ERBIN: variants seen among roughly 807,000 people sequenced by gnomAD.
ERBIN encodes the protein erbb2 interacting protein, also known as densin-180-like protein.
In ERBIN, 60 loss-of-function variants were observed where a neutral mutation model predicts 158.4. That is an observed-to-expected ratio of 0.38 (90% CI 0.31 to 0.47). The LOEUF (loss-of-function observed/expected upper bound fraction) is 0.47, where lower values mean the gene tolerates loss of function less well. Among genes scored for constraint, ERBIN ranks in the 20% least tolerant of loss-of-function variants. ERBIN has a pLI of 0.99. For missense variants in ERBIN, 1,610 were observed against 1,648.0 expected (o/e 0.98, Z 0.40); for synonymous variants, 594 against 557.2 (o/e 1.07, Z -0.93).
intron 1 of ERBIN, among the ~76,000 whole-genome samples, chr5:65,961,810 C>CT (rs200202510): frequency 0.011 from 1,684 of 152,060 alleles, 35 homozygotes; most frequent in African/African-American, 0.037. Context: ...GGGGAGGGTG[C>CT]TTTTTGGTTT....
intron 21 of ERBIN, among the ~76,000 whole-genome samples, chr5:66,071,521 A>C (rs955854382): frequency 2.0e-5 from 3 of 152,204 alleles, no homozygotes; most frequent in African/African-American, 7.2e-5. Context: ...GCATTTCTCC[A>C]TATCAGTACT....
intron 1 of ERBIN, among the ~76,000 whole-genome samples, chr5:65,966,149 T>C (rs931053059): frequency 2.6e-5 from 4 of 152,312 alleles, no homozygotes; most frequent in African/African-American, 9.6e-5. Context: ...AACATTATAA[T>C]GAAGCTGAAA....
intron 1 of ERBIN, among the ~76,000 whole-genome samples, chr5:65,951,200 C>T (rs1216704390): frequency 1.3e-5 from 2 of 152,058 alleles, no homozygotes; most frequent in Non-Finnish European, 2.9e-5. Flanking sequence ...AGACTGCTGG[C>T]CTCTTAAGTA....
intron 1 of ERBIN, among the ~76,000 whole-genome samples, chr5:65,959,022 T>G (rs1747620160): frequency 6.6e-6 from 1 of 152,216 alleles, no homozygotes; most frequent in South Asian, 2.1e-4. Flanking sequence ...GCATCTGTAC[T>G]TTTTCTAAGG....
intron 1 of ERBIN, among the ~76,000 whole-genome samples, chr5:65,977,439 A>C (rs184976680): frequency 6.8e-6 from 1 of 147,496 alleles, no homozygotes; most frequent in African/African-American, 2.5e-5. Context: ...CACTTCTCGG[A>C]CGGGGTGGTT....
intron 7 of ERBIN, among the ~76,000 whole-genome samples, chr5:66,016,552 T>G (rs1754745090): frequency 6.6e-6 from 1 of 152,072 alleles, no homozygotes; most frequent in South Asian, 2.1e-4. Context: ...CCCTTCATTC[T>G]TTCCTCCCCA....
At chr5:65,946,331 TC>T (rs2150905057) in intron 1 of ERBIN, among the ~76,000 whole-genome samples, 1 of 152,204 alleles carries the variant, frequency 6.6e-6, no homozygotes, top group Admixed American at 6.5e-5. Flanking sequence ...ACCACTGCAC[TC>T]CAGCCTGGGT....
chr5:65,966,620 C>T (rs574505767), intron 1 of ERBIN, among the ~76,000 whole-genome samples: 9 of 133,976 alleles, frequency 6.7e-5, no homozygotes, highest in Non-Finnish European at 1.2e-4. Context: ...GCAGAGGCTG[C>T]GGTGAGCCAA....
At chr5:66,029,828 A>G (rs141297840) in intron 14 of ERBIN, among the ~76,000 whole-genome samples, 11 of 152,022 alleles carry the variant, frequency 7.2e-5, no homozygotes, top group Admixed American at 2.0e-4. Flanking sequence ...TGACCTCATG[A>G]TCCGCTTGTG....
At chr5:65,947,378 T>TGC (rs1745902420) in intron 1 of ERBIN, among the ~76,000 whole-genome samples, 1 of 152,116 alleles carries the variant, frequency 6.6e-6, no homozygotes, top group Non-Finnish European at 1.5e-5. Context: ...TACAGGCACA[T>TGC]GCCACCACGC....
chr5:65,943,569 G>T (rs1745337923), intron 1 of ERBIN, among the ~76,000 whole-genome samples: 1 of 151,930 alleles, frequency 6.6e-6, no homozygotes. Flanking sequence ...GCTCTTAGTT[G>T]GCCTCTTTGT....
At chr5:65,951,278 G>A (rs1039390900) in intron 1 of ERBIN, among the ~76,000 whole-genome samples, 2 of 152,082 alleles carry the variant, frequency 1.3e-5, no homozygotes, top group African/African-American at 4.8e-5. Context: ...AGACTATTGT[G>A]TTTCTCTCTC....
intron 1 of ERBIN, among the ~76,000 whole-genome samples, chr5:65,974,833 C>T (rs897997769): frequency 6.6e-6 from 1 of 152,070 alleles, no homozygotes; most frequent in Non-Finnish European, 1.5e-5. Flanking sequence ...AAGAGGTTGG[C>T]ATAAAGAGGA....
At chr5:65,961,786 T>C (rs1261375857) in intron 1 of ERBIN, among the ~76,000 whole-genome samples, 1 of 152,158 alleles carries the variant, frequency 6.6e-6, no homozygotes, top group Non-Finnish European at 1.5e-5. Flanking sequence ...TGATGAATTT[T>C]AGGTATCTTT....
chr5:66,048,003 T>A (rs1380156102), intron 18 of ERBIN, among the ~76,000 whole-genome samples: 1 of 151,834 alleles, frequency 6.6e-6, no homozygotes, highest in African/African-American at 2.4e-5. Flanking sequence ...GGAGGAAGAT[T>A]TATGGCTGCC....
rs1389425085 is a variant in ERBIN, at chr5:66,082,526, A to G, written c.*3996A>G. ...TGCTTTTCCCCTCAAGGGATTCAAT[A>G]AAGCTTATTTTTCATGAAAACAAGC... On this transcript the variant is annotated 3_prime_UTR_variant, in exon 26 of 26. Coordinates refer to ENST00000284037, the MANE Select transcript of ERBIN (RefSeq NM_001253697.2). 6.6e-6 allele frequency: 1 copy of G among 152,220 alleles called. No individual in the cohort carries two copies. The highest frequency in any genetic ancestry group is 1.5e-5 in the Non-Finnish European group (1 of 68,040). 9.4% of individuals were successfully genotyped at this position (152,220 alleles called of 1,614,324 possible).
At chr5:66,049,267 A>G (rs1402875337) in intron 19 of ERBIN, among the ~76,000 whole-genome samples, 1 of 152,014 alleles carries the variant, frequency 6.6e-6, no homozygotes, top group Non-Finnish European at 1.5e-5. Context: ...ATATAAGACA[A>G]TCTTAGACTC....
Position 66,043,065 on chromosome 5 carries a change from A to C in ERBIN, c.1307-12A>C, listed in dbSNP as rs772653863. ...AAAATATAGTAGGTTTTTGTTTTTT[A>C]CTTTTCTCTAGTTATGTTTATATCA... On this transcript the variant is annotated splice_polypyrimidine_tract_variant and intron_variant, in intron 15 of 25. Coordinates refer to ENST00000284037, the MANE Select transcript of ERBIN (RefSeq NM_001253697.2). 3.8e-6 allele frequency: 6 copies of C among 1,564,006 alleles called. No homozygotes were observed. The highest frequency in any genetic ancestry group is 5.2e-6 in the Non-Finnish European group (6 of 1,149,990).
At chr5:66,037,884 C>G (rs140454230) in intron 14 of ERBIN, among the ~76,000 whole-genome samples, 44 of 152,110 alleles carry the variant, frequency 2.9e-4, no homozygotes, top group African/African-American at 1.0e-3. Flanking sequence ...ACAGGATACA[C>G]AAGAGGAAGA....
Sources: allele counts gnomAD v4.1 joint callset (sites outside exome capture counted in the v4.1 genomes callset), GRCh38; gene constraint gnomAD v4.1.1; transcripts MANE v1.5; gene names NCBI Gene and HGNC (gene_info 2026-07-23, HGNC 2026-07-21).